PDE9A: variants seen among roughly 807,000 people sequenced by gnomAD.
The protein encoded by PDE9A is high affinity cGMP-specific 3',5'-cyclic phosphodiesterase 9A.
Under a neutral mutation model 87.4 loss-of-function variants are expected in PDE9A, and 60 were observed. The ratio of observed to expected loss-of-function variants is 0.69; its 90% confidence interval spans 0.56 to 0.85. The LOEUF is 0.85. Ranked by LOEUF, PDE9A falls within the 40% of genes least tolerant of loss-of-function variation. The probability of loss-of-function intolerance (pLI) is 0.00; values close to 1 mark genes in which losing one functional copy is unlikely to be tolerated. For synonymous variants in PDE9A, 272 were observed against 279.4 expected, an observed-to-expected ratio of 0.97 and a Z score of 0.27; for missense variants, 665 against 779.0, an observed-to-expected ratio of 0.85 and a Z score of 1.74.
At chr21:42,703,743 C>A (rs2048577100) in intron 4 of PDE9A, among the ~76,000 whole-genome samples, 1 of 152,146 alleles carries the variant, frequency 6.6e-6, no homozygotes, top group African/African-American at 2.4e-5. Context: ...GTGCGGGCAC[C>A]CAGTGGCTGA....
intron 7 of PDE9A, among the ~76,000 whole-genome samples, chr21:42,738,821 A>G (rs1355629723): frequency 6.6e-6 from 1 of 152,058 alleles, no homozygotes; most frequent in Non-Finnish European, 1.5e-5. Context: ...GAGTAGCTGG[A>G]ATTACAGGCA....
In PDE9A at chr21:42,659,495, C is replaced by T. The variant is rs1013622840; in HGVS notation, c.69+5612C>T. On this transcript the variant is annotated intron_variant, in intron 1 of 19. Coordinates refer to ENST00000291539, the MANE Select transcript of PDE9A (RefSeq NM_002606.3). The surrounding 1 kb of genome is among the most constrained non-coding windows in gnomAD (Gnocchi z 4.1). ...GTGGAGGCTCACTGTGCAGTCCACG[C>T]GGAGCAATGGGGTGAAGTTTCCAGA... 4.6e-5 allele frequency among the ~76,000 whole-genome samples: 7 copies of T among 152,306 alleles called. No individual in the cohort carries two copies. Among genetic ancestry groups the T allele is most frequent in the African/African-American group, 1.7e-4 (7 of 41,556 alleles).
intron 3 of PDE9A, among the ~76,000 whole-genome samples, chr21:42,693,991 T>G (rs1602099727): frequency 6.6e-6 from 1 of 152,010 alleles, no homozygotes; most frequent in African/African-American, 2.4e-5. Context: ...TGCAAGTGAT[T>G]CCAGCACACA....
chr21:42,687,066 C>T (rs1220508476), intron 2 of PDE9A, among the ~76,000 whole-genome samples: 1 of 152,176 alleles, frequency 6.6e-6, no homozygotes, highest in Non-Finnish European at 1.5e-5. Context: ...CCTAAATCAA[C>T]AGTGTGTTCG....
intron 4 of PDE9A, among the ~76,000 whole-genome samples, chr21:42,713,033 T>C (rs1177582040): frequency 2.0e-5 from 3 of 152,236 alleles, no homozygotes; most frequent in Non-Finnish European, 4.4e-5. Flanking sequence ...AACTCACTTG[T>C]ATTTCCAGGA....
intron 1 of PDE9A, among the ~76,000 whole-genome samples, chr21:42,670,908 T>C (rs933643356): frequency 2.0e-5 from 3 of 152,168 alleles, no homozygotes; most frequent in African/African-American, 7.2e-5. Context: ...CTAGTTATAC[T>C]TCCCATCCCT....
chr21:42,680,580 CT>C (rs1289435578), intron 1 of PDE9A, among the ~76,000 whole-genome samples: 3 of 152,262 alleles, frequency 2.0e-5, no homozygotes, highest in African/African-American at 7.2e-5. Flanking sequence ...CCCGGGTCCC[CT>C]GTGCCCTCCT....
In PDE9A at chr21:42,653,840, G is replaced by A. The variant is rs867737219; in HGVS notation, c.26G>A (p.Arg9Gln). The change falls in exon 1 of 20, where the codon CGG becomes CAG. Residue 9 changes from arginine to glutamine, a missense_variant. Physicochemically the swap from Arg to Gln is conservative, Grantham distance 43 (BLOSUM62 1). Coordinates refer to ENST00000291539, the MANE Select transcript of PDE9A (RefSeq NM_002606.3). ...ATGGGATCCGGCTCCTCCAGCTACC[G>A]GCCCAAGGCCATCTACCTGGACATC... MGSGSSSY[R>Q]PKAIYLDIDG... 4 of 1,561,838 alleles carry A rather than the reference G, an allele frequency of 2.6e-6. No individual in the cohort carries two copies. Among genetic ancestry groups the A allele is most frequent in the African/African-American group, 2.8e-5 (2 of 71,456 alleles).
chr21:42,770,841 G>C (rs773052841), intron 18 of PDE9A, 43 bp downstream of exon 18: 1 of 1,483,032 alleles, frequency 6.7e-7, no homozygotes, highest in Non-Finnish European at 9.4e-7. Flanking sequence ...GCGGCAAGCA[G>C]GCACGCTGCC....
chr21:42,747,656 G>C (rs1042889333), intron 8 of PDE9A, among the ~76,000 whole-genome samples: 5 of 152,254 alleles, frequency 3.3e-5, no homozygotes, highest in South Asian at 2.1e-4. Context: ...CCAACTGCCA[G>C]CTTACATTTA....
intron 10 of PDE9A, among the ~76,000 whole-genome samples, chr21:42,755,157 C>A (rs1444797958): frequency 6.6e-6 from 1 of 152,202 alleles, no homozygotes; most frequent in Non-Finnish European, 1.5e-5. Flanking sequence ...TGCTTGTCAG[C>A]AACACAGAAA....
At chr21:42,725,518 C>T (rs879130263) in intron 4 of PDE9A, among the ~76,000 whole-genome samples, 2 of 152,174 alleles carry the variant, frequency 1.3e-5, no homozygotes, top group South Asian at 4.1e-4. Flanking sequence ...GGATTACAGG[C>T]ATGATCCACC....
At position 42,685,466 on chromosome 21, in the gene PDE9A, TC is replaced by T. The variant is rs1426192840; in HGVS notation, c.70-725del. On this transcript the variant is annotated intron_variant, in intron 1 of 19. Transcript: ENST00000291539. ...TCAGTCCCCAAATACCGAAAGGCAG[TC>T]TTTTTTTTTTTTTTTTGAGACGGAG... Among the ~76,000 whole-genome samples the T allele has an allele frequency of 3.2e-3, 412 of 130,604 alleles. 2 individuals carry two copies. The highest frequency in any genetic ancestry group is 0.015 in the African/African-American group (392 of 26,438). 85.7% of individuals were successfully genotyped at this position (130,604 alleles called of 152,430 possible).
At chr21:42,737,175 G>A (rs954556708) in intron 7 of PDE9A, among the ~76,000 whole-genome samples, 1 of 152,260 alleles carries the variant, frequency 6.6e-6, no homozygotes, top group African/African-American at 2.4e-5. Context: ...GCGGCCAGGA[G>A]CCTGGTCCGA....
intron 15 of PDE9A, 169 bp downstream of exon 15, chr21:42,765,663 C>A: frequency 1.6e-6 from 1 of 630,052 alleles, no homozygotes; most frequent in Non-Finnish European, 2.9e-6. Flanking sequence ...AAAGTCCGGG[C>A]AGGGCCTCCC....
chr21:42,763,484 G>T (rs921433960), intron 14 of PDE9A, among the ~76,000 whole-genome samples: 1 of 152,176 alleles, frequency 6.6e-6, no homozygotes, highest in African/African-American at 2.4e-5. Context: ...GGACTTCGGG[G>T]CCCCCAGGAG....
intron 7 of PDE9A, among the ~76,000 whole-genome samples, chr21:42,738,526 C>G (rs8133738): frequency 6.6e-6 from 1 of 151,230 alleles, no homozygotes; most frequent in African/African-American, 2.4e-5. Flanking sequence ...GCTCTCCCCA[C>G]CCTCCGGCTC....
At chr21:42,770,468 G>A (rs536288724) in intron 17 of PDE9A, among the ~76,000 whole-genome samples, 3 of 152,196 alleles carry the variant, frequency 2.0e-5, no homozygotes, top group South Asian at 2.1e-4. Flanking sequence ...CTCATCTCAC[G>A]GGCACGGGGG....
At chr21:42,742,603 C>T (rs1404007055) in intron 7 of PDE9A, among the ~76,000 whole-genome samples, 1 of 151,622 alleles carries the variant, frequency 6.6e-6, no homozygotes, top group Admixed American at 6.6e-5. Context: ...GTAGCTGGGA[C>T]TACAGGCACT....
Sources: allele counts gnomAD v4.1 joint callset (sites outside exome capture counted in the v4.1 genomes callset), GRCh38; gene constraint gnomAD v4.1.1; non-coding constraint Gnocchi (gnomAD v3.1); transcripts MANE v1.5; gene names NCBI Gene and HGNC (gene_info 2026-07-23, HGNC 2026-07-21).